The following TRPM3 variants were observed in gnomAD, a reference collection of about 807,000 sequenced individuals.
TRPM3 encodes long transient receptor potential channel 3.
A neutral mutation model predicts 181.2 loss-of-function variants in TRPM3; 77 were observed. That is an observed-to-expected ratio of 0.42 (90% CI 0.35 to 0.51). The LOEUF (loss-of-function observed/expected upper bound fraction) is 0.51. Ranked by LOEUF, TRPM3 falls within the 20% of genes least tolerant of loss-of-function variation. The probability of loss-of-function intolerance (pLI) is 0.01; values close to 1 mark genes in which losing one functional copy is unlikely to be tolerated. For missense variants in TRPM3, 1,759 were observed against 2,196.7 expected (o/e 0.80, Z 3.98); for synonymous variants, 745 against 796.4 (o/e 0.94, Z 1.09).
In TRPM3 at chr9:71,382,704, C is replaced by A. The variant is rs539519769; in HGVS notation, c.183+63949G>T. Among the ~76,000 whole-genome samples the A allele has an allele frequency of 9.7e-4, 141 of 145,904 alleles. 2 individuals carry two copies. Among genetic ancestry groups the A allele is most frequent in the South Asian group, 5.4e-3 (25 of 4,648 alleles). On this transcript the variant is annotated intron_variant, in intron 1 of 24. Coordinates refer to the TRPM3 transcript ENST00000357533. Reference sequence around the variant, plus strand: ...CTGTATAGTCTTTTTTTTTTTTGCACTTTATCATATATAGTTTTTAATGTC... The same window carrying A: ...CTGTATAGTCTTTTTTTTTTTTGCAATTTATCATATATAGTTTTTAATGTC...
intron 7 of TRPM3, among the ~76,000 whole-genome samples, chr9:70,781,609 A>G (rs2082477227): frequency 6.6e-6 from 1 of 152,150 alleles, no homozygotes; most frequent in Non-Finnish European, 1.5e-5. Context: ...TATGAGGAAC[A>G]CTACAGCACA....
chr9:70,592,777 C>T (rs933365929), intron 21 of TRPM3, among the ~76,000 whole-genome samples: 3 of 152,096 alleles, frequency 2.0e-5, no homozygotes, highest in Admixed American at 2.0e-4. Flanking sequence ...GTCACCCAGG[C>T]TAGAGTGCAG....
At chr9:70,564,784 G>A (rs1022401346) in intron 22 of TRPM3, among the ~76,000 whole-genome samples, 12 of 152,156 alleles carry the variant, frequency 7.9e-5, no homozygotes, top group Non-Finnish European at 1.2e-4. Flanking sequence ...TGCCTGAGGG[G>A]TTATATGATA....
At chr9:70,922,376 C>T (rs1220416317) in intron 1 of TRPM3, among the ~76,000 whole-genome samples, 1 of 152,070 alleles carries the variant, frequency 6.6e-6, no homozygotes, top group Non-Finnish European at 1.5e-5. Flanking sequence ...TGCCAGGCCT[C>T]AAAAAGAAGT....
At chr9:71,150,686 AGAAAACT>A (rs1406011632) in intron 1 of TRPM3, among the ~76,000 whole-genome samples, 1 of 152,168 alleles carries the variant, frequency 6.6e-6, no homozygotes, top group Non-Finnish European at 1.5e-5. Context: ...CTAGTACTTG[AGAAAACT>A]GATACTGGTG....
chr9:70,684,898 A>G (rs1274367098), intron 8 of TRPM3, among the ~76,000 whole-genome samples: 1 of 152,142 alleles, frequency 6.6e-6, no homozygotes, highest in Admixed American at 6.6e-5. Context: ...CTGAGTTGGG[A>G]ACGTTTTCCC....
chr9:71,117,040 C>A (rs2072551820), intron 1 of TRPM3, among the ~76,000 whole-genome samples: 1 of 152,104 alleles, frequency 6.6e-6, no homozygotes, highest in Admixed American at 6.5e-5. Context: ...ACCAGCCAAC[C>A]CTACAGCAAA....
intron 1 of TRPM3, among the ~76,000 whole-genome samples, chr9:71,243,663 G>A (rs7857188): frequency 0.7 from 106,392 of 151,678 alleles, 37,548 homozygotes; most frequent in African/African-American, 0.77. Context: ...ATTATTATTA[G>A]CAAGACCTTA....
intron 1 of TRPM3, among the ~76,000 whole-genome samples, chr9:71,290,519 G>A (rs1588320941): frequency 6.6e-6 from 1 of 150,742 alleles, no homozygotes; most frequent in East Asian, 1.9e-4. Context: ...CAGTAACAGA[G>A]TTTAGAAATA....
intron 21 of TRPM3, among the ~76,000 whole-genome samples, chr9:70,595,078 T>C (rs2058773684): frequency 6.6e-6 from 1 of 152,204 alleles, no homozygotes; most frequent in Non-Finnish European, 1.5e-5. Flanking sequence ...ACATTCCTCT[T>C]GCACACTCCT....
chr9:70,803,482 C>T (rs1320477308), intron 6 of TRPM3, among the ~76,000 whole-genome samples: 1 of 138,564 alleles, frequency 7.2e-6, no homozygotes, highest in Non-Finnish European at 1.5e-5. Context: ...GACGGAGTCT[C>T]GCTCAGCCTG....
chr9:70,830,842 T>C (rs540361737), intron 5 of TRPM3, among the ~76,000 whole-genome samples: 100 of 152,364 alleles, frequency 6.6e-4, no homozygotes, highest in African/African-American at 2.2e-3. Context: ...GCCAAGCTCA[T>C]AGCAGGCATT....
chr9:71,089,789 T>C (rs542762198), intron 1 of TRPM3, among the ~76,000 whole-genome samples: 1 of 152,226 alleles, frequency 6.6e-6, no homozygotes, highest in East Asian at 1.9e-4. Context: ...CTGAGCATCC[T>C]AGTGTTTGCA....
At chr9:71,110,093 A>G (rs774851594) in intron 1 of TRPM3, among the ~76,000 whole-genome samples, 5 of 152,152 alleles carry the variant, frequency 3.3e-5, no homozygotes, top group Admixed American at 6.6e-5. Context: ...ATAGCCCACC[A>G]CACACTGCTC....
In TRPM3 at chr9:71,381,461, A is replaced by G. The variant is rs374035991; in HGVS notation, c.183+65192T>C. ...TAGGCAAGGCCTGGTATGTCATTTCATACTTTCAAATAGTGATTAAGTGGA... is the reference window on the plus strand; with the variant it reads ...TAGGCAAGGCCTGGTATGTCATTTCGTACTTTCAAATAGTGATTAAGTGGA... On this transcript the variant is annotated intron_variant, in intron 1 of 24. Coordinates refer to the TRPM3 transcript ENST00000357533. Among the ~76,000 whole-genome samples, 55 of 152,296 alleles carry G rather than the reference A, an allele frequency of 3.6e-4. 1 individual carries two copies. The South Asian group carries it at 9.5e-3, about 26-fold the overall frequency.
At chr9:70,621,047 AC>A (rs2063540373) in intron 15 of TRPM3, among the ~76,000 whole-genome samples, 196 bp downstream of exon 15, 1 of 146,790 alleles carries the variant, frequency 6.8e-6, no homozygotes, top group Non-Finnish European at 1.5e-5. Flanking sequence ...ATATATACAT[AC>A]TATAGTATGT....
At chr9:71,059,727 A>T (rs1411093579) in intron 1 of TRPM3, among the ~76,000 whole-genome samples, 1 of 152,074 alleles carries the variant, frequency 6.6e-6, no homozygotes, top group African/African-American at 2.4e-5. Flanking sequence ...CTGAAGCATC[A>T]ATTCCTGTCT....
intron 7 of TRPM3, among the ~76,000 whole-genome samples, chr9:70,770,384 T>C (rs1444108186): frequency 2.0e-5 from 3 of 152,208 alleles, no homozygotes; most frequent in Non-Finnish European, 2.9e-5. Context: ...CAATAGCTGT[T>C]TGGGGATGTT....
chr9:71,347,054 G>T (rs551409319), intron 1 of TRPM3, among the ~76,000 whole-genome samples: 2 of 152,256 alleles, frequency 1.3e-5, no homozygotes, highest in South Asian at 4.1e-4. Flanking sequence ...ATAATGAAAA[G>T]GTAAGTCATA....
Sources: gnomAD v4.1 joint callset for allele counts (sites outside exome capture counted in the v4.1 genomes callset) on GRCh38, gnomAD v4.1.1 for gene constraint, MANE v1.5 for transcripts, NCBI Gene and HGNC (gene_info 2026-07-23, HGNC 2026-07-21) for gene names.